Variants in PARD3B observed in about 807,000 individuals in gnomAD.
PARD3B encodes the protein partitioning defective 3 homolog B.
A neutral mutation model predicts 130.2 loss-of-function variants in PARD3B; 103 were observed. The observed-to-expected ratio is 0.79, with a 90% CI of 0.67 to 0.93. PARD3B has a LOEUF of 0.93. Among genes scored for constraint, PARD3B ranks in the 40% least tolerant of loss-of-function variants. PARD3B has a pLI of 0.00. For synonymous variants in PARD3B, 583 were observed against 553.2 expected (o/e 1.05, Z -0.76); for missense variants, 1,609 against 1,499.2 (o/e 1.07, Z -1.21).
intron 18 of PARD3B, among the ~76,000 whole-genome samples, chr2:205,359,904 G>A (rs1289813440): frequency 2.6e-5 from 4 of 152,092 alleles, no homozygotes; most frequent in Non-Finnish European, 5.9e-5. Context: ...AATGCATTCT[G>A]TCCTTACTAC....
At chr2:205,418,711 C>T (rs2046865803) in intron 19 of PARD3B, among the ~76,000 whole-genome samples, 1 of 152,072 alleles carries the variant, frequency 6.6e-6, no homozygotes. Context: ...GATATTTTTG[C>T]TGCTGACTAG....
At chr2:205,490,225 T>TTAA (rs1444721648) in intron 20 of PARD3B, among the ~76,000 whole-genome samples, 2 of 152,074 alleles carry the variant, frequency 1.3e-5, no homozygotes, top group African/African-American at 4.8e-5. Flanking sequence ...AACTCGTCAT[T>TTAA]TAACATTAGG....
chr2:205,439,024 TAAAAAAC>T (rs1481852764), intron 19 of PARD3B, among the ~76,000 whole-genome samples: 3 of 152,088 alleles, frequency 2.0e-5, no homozygotes, highest in Non-Finnish European at 4.4e-5. Context: ...CTCAGAAAAA[TAAAAAAC>T]AAAAATGTTG....
intron 2 of PARD3B, among the ~76,000 whole-genome samples, chr2:204,731,000 G>A (rs977889672): frequency 6.6e-6 from 1 of 152,192 alleles, no homozygotes; most frequent in African/African-American, 2.4e-5. Flanking sequence ...CTAAGAGATT[G>A]TAAGTGTAGC....
intron 2 of PARD3B, among the ~76,000 whole-genome samples, chr2:204,895,517 T>C (rs901293491): frequency 1.3e-5 from 2 of 152,118 alleles, no homozygotes; most frequent in African/African-American, 4.8e-5. Flanking sequence ...TATTAATTTA[T>C]TCTATGAACA....
At chr2:204,750,297 T>C (rs536812087) in intron 2 of PARD3B, among the ~76,000 whole-genome samples, 1 of 152,300 alleles carries the variant, frequency 6.6e-6, no homozygotes, top group South Asian at 2.1e-4. Flanking sequence ...ATATTCATAG[T>C]GTTGGCCTGG....
At chr2:205,404,509 T>C (rs1458139359) in intron 19 of PARD3B, among the ~76,000 whole-genome samples, 1 of 152,180 alleles carries the variant, frequency 6.6e-6, no homozygotes, top group African/African-American at 2.4e-5. Context: ...ATCTATAACA[T>C]CTTGCTTTTT....
rs182784920 is a variant in PARD3B at position 205,395,944 on chromosome 2, C to G, written c.2631-5069C>G. ...GACTGAGAAATGACCTCCCATCACT[C>G]TTAGATTAAACCACAAGCTTCTCTC... On this transcript the variant is annotated intron_variant, in intron 18 of 22. Transcript: ENST00000406610. Among the ~76,000 whole-genome samples, 343 of 152,306 alleles carry G rather than the reference C, an allele frequency of 2.3e-3. 2 individuals carry two copies. The highest frequency in any genetic ancestry group is 0.017 in the South Asian group (83 of 4,828).
intron 1 of PARD3B, among the ~76,000 whole-genome samples, chr2:204,636,556 C>G (rs556492501): frequency 6.8e-4 from 103 of 151,588 alleles, no homozygotes; most frequent in Non-Finnish European, 1.0e-3. Flanking sequence ...GTTTATCTAC[C>G]TGAAATCTCA....
chr2:205,296,743 G>A (rs1002609331), intron 16 of PARD3B, among the ~76,000 whole-genome samples: 7 of 151,594 alleles, frequency 4.6e-5, no homozygotes, highest in Admixed American at 4.6e-4. Flanking sequence ...GAGGGTAGTA[G>A]GGGATGTATC....
chr2:205,185,924 C>T (rs1318459482), intron 14 of PARD3B, 61 bp downstream of exon 14: 26 of 1,310,784 alleles, frequency 2.0e-5, no homozygotes, highest in Non-Finnish European at 2.7e-5. Flanking sequence ...GAGAACACAG[C>T]AACCTTATTC....
intron 2 of PARD3B, among the ~76,000 whole-genome samples, chr2:204,866,374 G>C (rs2045414903): frequency 6.6e-6 from 1 of 152,022 alleles, no homozygotes; most frequent in African/African-American, 2.4e-5. Context: ...AATAGGGATT[G>C]GTACATAGTT....
At chr2:204,997,355 A>G (rs574809359) in intron 3 of PARD3B, among the ~76,000 whole-genome samples, 2 of 152,350 alleles carry the variant, frequency 1.3e-5, no homozygotes, top group South Asian at 2.1e-4. Context: ...TTCTTACAAT[A>G]CTGAGTCTTC....
chr2:204,942,620 AT>A (rs145297015), intron 2 of PARD3B, among the ~76,000 whole-genome samples: 1 of 151,942 alleles, frequency 6.6e-6, no homozygotes, highest in Non-Finnish European at 1.5e-5. Context: ...TCATACAGGT[AT>A]TTAAAAAAAA....
At chr2:204,556,020 A>G (rs577523605) in intron 1 of PARD3B, among the ~76,000 whole-genome samples, 2 of 152,280 alleles carry the variant, frequency 1.3e-5, no homozygotes, top group African/African-American at 2.4e-5. Flanking sequence ...ATTAACTTCA[A>G]TAAAGGTAGA....
At chr2:205,560,037 A>G (rs749259427) in intron 22 of PARD3B, among the ~76,000 whole-genome samples, 6 of 152,208 alleles carry the variant, frequency 3.9e-5, no homozygotes, top group Non-Finnish European at 8.8e-5. Context: ...CCCATTTCAT[A>G]GGGAAGGTCA....
At chr2:205,577,312 A>G (rs2053797601) in intron 22 of PARD3B, among the ~76,000 whole-genome samples, 1 of 152,084 alleles carries the variant, frequency 6.6e-6, no homozygotes, top group Non-Finnish European at 1.5e-5. Context: ...TAGTGCATTA[A>G]CTAGGACTTG....
intron 22 of PARD3B, among the ~76,000 whole-genome samples, chr2:205,607,025 G>C (rs1488076553): frequency 6.6e-6 from 1 of 152,064 alleles, no homozygotes; most frequent in Non-Finnish European, 1.5e-5. Context: ...CAACGTTCAA[G>C]GTACTAGACC....
intron 22 of PARD3B, among the ~76,000 whole-genome samples, chr2:205,559,072 T>C (rs1225274412): frequency 1.3e-5 from 2 of 152,190 alleles, no homozygotes; most frequent in African/African-American, 2.4e-5. Flanking sequence ...ATAGTTTTTT[T>C]GGTTTTTGTT....
Sources: gnomAD v4.1 joint callset for allele counts (sites outside exome capture counted in the v4.1 genomes callset) on GRCh38, gnomAD v4.1.1 for gene constraint, MANE v1.5 for transcripts, NCBI Gene and HGNC (gene_info 2026-07-23, HGNC 2026-07-21) for gene names.